Variants in ZEB2 observed in about 807,000 individuals in gnomAD.
The protein encoded by ZEB2 is zinc finger E-box binding homeobox 2.
Under a neutral mutation model 99.9 loss-of-function variants are expected in ZEB2, and 6 were observed. The observed-to-expected ratio is 0.06, with a 90% CI of 0.03 to 0.12. The LOEUF (loss-of-function observed/expected upper bound fraction) is 0.12. Ranked by LOEUF, ZEB2 falls within the 10% of genes least tolerant of loss-of-function variation. The pLI is 1.00. For missense variants in ZEB2, 969 were observed against 1,502.8 expected (o/e 0.64, Z 5.87); for synonymous variants, 517 against 542.5 (o/e 0.95, Z 0.65).
At chr2:144,400,673 G>C (rs1703298794) in intron 7 of ZEB2, among the ~76,000 whole-genome samples, 1 of 152,150 alleles carries the variant, frequency 6.6e-6, no homozygotes, top group Non-Finnish European at 1.5e-5. Context: ...AATCCAACTA[G>C]TCCTTTGAAT....
At chr2:144,467,666 T>C (rs541842404) in intron 2 of ZEB2, among the ~76,000 whole-genome samples, 223 of 152,280 alleles carry the variant, frequency 1.5e-3, no homozygotes, top group African/African-American at 4.2e-3. Flanking sequence ...CTGACCACCA[T>C]ATGAAGCATA....
intron 2 of ZEB2, among the ~76,000 whole-genome samples, chr2:144,467,922 C>T (rs1300128485): frequency 3.3e-5 from 5 of 152,142 alleles, no homozygotes; most frequent in East Asian, 3.9e-4. Flanking sequence ...AAGCGCATTA[C>T]GATTTAACAC....
At chr2:144,464,428 T>C (rs993513456) in intron 2 of ZEB2, 4 of 152,218 alleles carry the variant, frequency 2.6e-5, no homozygotes, top group African/African-American at 9.6e-5. Flanking sequence ...TTCAATTCCA[T>C]AATTACAGCC....
chr2:144,435,618 G>T (rs1310533087), intron 2 of ZEB2, among the ~76,000 whole-genome samples: 2 of 147,074 alleles, frequency 1.4e-5, no homozygotes, highest in African/African-American at 4.9e-5. Flanking sequence ...AAAAAAAAAA[G>T]AAGTGTTTTG....
Position 144,396,561 on chromosome 2 carries a change from A to G in ZEB2, c.2918T>C (p.Met973Thr), listed in dbSNP as rs142280503. 6.2e-7 allele frequency: 1 copy of G among 1,614,012 alleles called. No homozygotes were observed. The highest frequency in any genetic ancestry group is 1.3e-5 in the African/African-American group (1 of 75,034). Reference protein sequence around the residue: ...GELLDGAQDYMSGLDDMTDSD... With the variant: ...GELLDGAQDYTSGLDDMTDSD... The stretch of plus-strand genomic sequence containing the variant: ...GTCTGTCATATCATCTAGGCCTGAC[A>G]TGTAGTCTTGTGCTCCATCAAGCAA... The change falls in exon 9 of 10, where the codon ATG becomes ACG. Residue 973 changes from methionine to threonine, a missense_variant. By Grantham distance (81) the Met-to-Thr change is moderately conservative. Coordinates refer to ENST00000627532, the MANE Select transcript of ZEB2 (RefSeq NM_014795.4).
intron 2 of ZEB2, among the ~76,000 whole-genome samples, chr2:144,442,522 C>T (rs1048169614): frequency 1.4e-4 from 21 of 152,084 alleles, no homozygotes; most frequent in African/African-American, 4.6e-4. Flanking sequence ...AATCACTCTT[C>T]CCTTATTCTT....
Position 144,424,872 on chromosome 2 carries a change from G to T in ZEB2, c.332-5C>A. On this transcript the variant is annotated splice_polypyrimidine_tract_variant and splice_region_variant and intron_variant, in intron 3 of 9. Transcript: ENST00000627532. ...CATAGTCTTCCTTCATTTCTTCTGT[G>T]GGGGAAAATTATCTTTAGCATTTGA... 6.2e-7 allele frequency: 1 copy of T among 1,613,800 alleles called. No individual in the cohort carries two copies. The highest frequency in any genetic ancestry group is 8.5e-7 in the Non-Finnish European group (1 of 1,179,786).
intron 2 of ZEB2, among the ~76,000 whole-genome samples, chr2:144,506,520 C>T (rs1704952517): frequency 6.6e-6 from 1 of 152,138 alleles, no homozygotes; most frequent in South Asian, 2.1e-4. Flanking sequence ...CATTGATGTG[C>T]ATGGTGTCTA....
chr2:144,476,339 C>G (rs1704429839), intron 2 of ZEB2, among the ~76,000 whole-genome samples: 1 of 152,098 alleles, frequency 6.6e-6, no homozygotes, highest in Non-Finnish European at 1.5e-5. Flanking sequence ...CAGGGCAGTA[C>G]CTATCATGAA....
chr2:144,468,811 GTTCATT>G (rs1704311079), intron 2 of ZEB2, among the ~76,000 whole-genome samples: 1 of 152,060 alleles, frequency 6.6e-6, no homozygotes, highest in Non-Finnish European at 1.5e-5. Flanking sequence ...GCTCATTCCT[GTTCATT>G]ATTCACATGC....
At chr2:144,463,726 G>T in intron 2 of ZEB2, 1 of 152,144 alleles carries the variant, frequency 6.6e-6, no homozygotes, top group Non-Finnish European at 1.5e-5. Context: ...CAAGCTACTT[G>T]GGAGGCTAAT....
At chr2:144,410,144 C>T (rs966427027) in intron 4 of ZEB2, among the ~76,000 whole-genome samples, 1 of 152,154 alleles carries the variant, frequency 6.6e-6, no homozygotes, top group East Asian at 1.9e-4. Context: ...CTCCTGACCT[C>T]GTGATCCACC....
In ZEB2 at chr2:144,398,969, T is replaced by C; in HGVS notation, c.2218A>G (p.Thr740Ala). ...RSPVKPMDSI[T>A]SPSIAELHNS... ...TGGAGTTCTGCTATAGATGGTGATG[T>C]TATGGAGTCCATAGGTTTTACAGGA... Residue 740 changes from threonine to alanine, a missense_variant, in exon 8 of 10, where the codon ACA (threonine) becomes GCA (alanine). This residue lies in a region of ZEB2 where 346 missense variants were observed against 460.0 expected (regional missense o/e 0.75). Transcript: ENST00000627532. 6 of 1,614,236 alleles carry C rather than the reference T, an allele frequency of 3.7e-6. No individual in the cohort carries two copies. Among genetic ancestry groups the C allele is most frequent in the Non-Finnish European group, 5.1e-6 (6 of 1,180,042 alleles).
At chr2:144,508,847 C>T (rs893965500) in intron 2 of ZEB2, among the ~76,000 whole-genome samples, 4 of 152,060 alleles carry the variant, frequency 2.6e-5, no homozygotes, top group South Asian at 2.1e-4. Flanking sequence ...GAGAGAGGCC[C>T]CAGCTGCTTC....
chr2:144,416,225 A>G (rs1308587588), intron 4 of ZEB2, among the ~76,000 whole-genome samples: 3 of 152,096 alleles, frequency 2.0e-5, no homozygotes, highest in Non-Finnish European at 4.4e-5. Context: ...TTCTGATTTT[A>G]TTTACCTCAG....
At chr2:144,438,935 T>A (rs1467970292) in intron 2 of ZEB2, among the ~76,000 whole-genome samples, 1 of 152,028 alleles carries the variant, frequency 6.6e-6, no homozygotes, top group Non-Finnish European at 1.5e-5. Flanking sequence ...GACAGTGACA[T>A]GGCAGACACA....
chr2:144,432,265 AG>A (rs1269723545), intron 2 of ZEB2, among the ~76,000 whole-genome samples: 3 of 152,174 alleles, frequency 2.0e-5, no homozygotes, highest in Non-Finnish European at 4.4e-5. Flanking sequence ...CACAACCTTT[AG>A]GGTTTGTGCT....
chr2:144,392,751 TCCTA>T (rs1703169239), intron 9 of ZEB2, among the ~76,000 whole-genome samples: 1 of 152,222 alleles, frequency 6.6e-6, no homozygotes, highest in Non-Finnish European at 1.5e-5. Context: ...AATCAAGATG[TCCTA>T]GAATTAAATT....
Position 144,468,736 on chromosome 2 carries a change from G to A in ZEB2, c.74-38710C>T, listed in dbSNP as rs1704310108. Among the ~76,000 whole-genome samples the A allele has an allele frequency of 4.6e-5, 7 of 152,192 alleles. No individual in the cohort carries two copies. In the South Asian group the frequency reaches 1.5e-3, roughly 32 times the overall value. On this transcript the variant is annotated intron_variant, in intron 2 of 9. Transcript: ENST00000627532. ...TAAAGTGGCTTTGAGGCATGCAGGG[G>A]TCAGAAATGGGCTGTGCTGCTAAAA...
Sources: gnomAD v4.1 joint callset for allele counts (sites outside exome capture counted in the v4.1 genomes callset) on GRCh38, gnomAD v4.1.1 for gene constraint, gnomAD v4.1.1 regional missense constraint, MANE v1.5 for transcripts, NCBI Gene and HGNC (gene_info 2026-07-23, HGNC 2026-07-21) for gene names.